Variants in PLAGL1 observed in about 807,000 individuals in gnomAD.
The protein encoded by PLAGL1 is PLAG1 like zinc finger 1, also known as zinc finger protein PLAGL1.
In PLAGL1, 1 loss-of-function variant was observed where a neutral mutation model predicts 4.6. That is an observed-to-expected ratio of 0.22 (90% CI 0.08 to 1.03). The LOEUF (loss-of-function observed/expected upper bound fraction) is 1.03, where lower values mean the gene tolerates loss of function less well. Among genes scored for constraint, PLAGL1 ranks in the 50% least tolerant of loss-of-function variants. The pLI is 0.58. For missense variants in PLAGL1, 464 were observed against 570.4 expected (o/e 0.81, Z 1.90); for synonymous variants, 240 against 237.8 (o/e 1.01, Z -0.08).
At chr6:144,010,757 A>G (rs1795117960), upstream of PLAGL1, among the ~76,000 whole-genome samples, 1 of 152,226 alleles carries the variant, frequency 6.6e-6, no homozygotes, top group South Asian at 2.1e-4. This position sits in a 1 kb window ranked among gnomAD's most constrained non-coding sequence, Gnocchi z 4.1. Context: ...CAAAACAGAT[A>G]TATGGACCAA....
In PLAGL1 at chr6:143,941,149, T is replaced by C. The variant is rs1455272969; in HGVS notation, c.*275A>G. The C allele has an allele frequency of 3.5e-6, 1 of 283,446 alleles. No homozygotes were observed. The allele number at this position is 283,446 out of a possible 1,614,324, so 17.6% of individuals were successfully genotyped here. A position where few individuals can be genotyped will look rare whatever the true frequency, so the allele number is the denominator to read the frequency against. On this transcript the variant is annotated 3_prime_UTR_variant, in exon 8 of 8. Transcript: ENST00000674357. The surrounding 1 kb of genome is among the most constrained non-coding windows in gnomAD (Gnocchi z 6.0). ...TTAAATTCCATATGACAAACACTTA[T>C]ATATAGCAGCCGTCATTTTGGATGT...
At position 144,061,396 on chromosome 6, in the gene PLAGL1, A is replaced by C. The variant is rs750754335; in HGVS notation, c.-151+3072T>G. On this transcript the variant is annotated intron_variant, in intron 1 of 3. Coordinates refer to the PLAGL1 transcript ENST00000437412. The surrounding 1 kb of genome is among the most constrained non-coding windows in gnomAD (Gnocchi z 4.4). ...CACCAGGATCAAACAAAGTGAGGTA[A>C]GAACAAGAGAGCAGCCACTCCTGAA... is the stretch of plus-strand genomic sequence containing the variant. Among the ~76,000 whole-genome samples, 69 of 152,338 alleles carry C rather than the reference A, an allele frequency of 4.5e-4. No homozygotes were observed. Among genetic ancestry groups the C allele is most frequent in the Admixed American group, 5.9e-4 (9 of 15,312 alleles).
At position 143,975,045 on chromosome 6, in the gene PLAGL1, A is replaced by G. The variant is rs975485228; in HGVS notation, c.-543-6067T>C. The stretch of plus-strand genomic sequence containing the variant: ...CTGAGAGAGATGGTTTTATTAATCT[A>G]TTTTTGAATGAGGAGATAATAGGCT... On this transcript the variant is annotated intron_variant, in intron 2 of 7. Coordinates refer to ENST00000674357, the MANE Select transcript of PLAGL1 (RefSeq NM_001317162.2). The surrounding 1 kb of genome is among the most constrained non-coding windows in gnomAD (Gnocchi z 5.8). Among the ~76,000 whole-genome samples the G allele has an allele frequency of 6.6e-6, 1 of 152,222 alleles. No homozygotes were observed. Among genetic ancestry groups the G allele is most frequent in the African/African-American group, 2.4e-5 (1 of 41,462 alleles).
rs1322148528 is a variant in PLAGL1 at position 143,984,575 on chromosome 6, A to G, written c.-544+560T>C. On this transcript the variant is annotated intron_variant, in intron 2 of 7. Transcript: ENST00000674357. The surrounding 1 kb of genome is among the most constrained non-coding windows in gnomAD (Gnocchi z 5.5). ...CAAAAGAGGTGAAACAGAACCTGCT[A>G]GAACAAGATTCAAGATACAGACTTA... 6.6e-6 allele frequency among the ~76,000 whole-genome samples: 1 copy of G among 152,130 alleles called. No individual in the cohort carries two copies. Among genetic ancestry groups the G allele is most frequent in the African/African-American group, 2.4e-5 (1 of 41,428 alleles).
At chr6:143,999,702 A>C (rs770672400) in intron 1 of PLAGL1, among the ~76,000 whole-genome samples, 11 of 152,254 alleles carry the variant, frequency 7.2e-5, no homozygotes, top group Non-Finnish European at 1.5e-4. Context: ...TGAATATTAC[A>C]TGAAAAAATT....
Position 143,966,353 on chromosome 6 carries a change from G to A in PLAGL1, c.-471-155C>T, listed in dbSNP as rs1025675724. On this transcript the variant is annotated intron_variant, in intron 3 of 7. Transcript: ENST00000674357. The surrounding 1 kb of genome is among the most constrained non-coding windows in gnomAD (Gnocchi z 6.0). ...TTATATACATTAAAATGGCCAAACA[G>A]TAATTCAAATAGCAAAACAAACAAA... The A allele has an allele frequency of 2.0e-5, 3 of 152,162 alleles. No individual in the cohort carries two copies. Among genetic ancestry groups the A allele is most frequent in the Non-Finnish European group, 4.4e-5 (3 of 68,036 alleles). The allele number at this position is 152,162 out of a possible 1,614,324, so 9.4% of individuals were successfully genotyped here. A position where few individuals can be genotyped will look rare whatever the true frequency, so the allele number is the denominator to read the frequency against.
chr6:144,043,856 C>T (rs1437405673), intron 1 of PLAGL1, among the ~76,000 whole-genome samples: 1 of 152,056 alleles, frequency 6.6e-6, no homozygotes, highest in Non-Finnish European at 1.5e-5. Flanking sequence ...AATTTCAGGG[C>T]CTGTTATTGG....
chr6:143,974,941 A>T (rs1344443659), intron 2 of PLAGL1, among the ~76,000 whole-genome samples: 1 of 152,250 alleles, frequency 6.6e-6, no homozygotes, highest in Non-Finnish European at 1.5e-5. Context: ...AAAAACACTT[A>T]TCAATCCATT....
In PLAGL1 at chr6:143,947,809, A is replaced by T. The variant is rs1780102676; in HGVS notation, c.152+176T>A. Among the ~76,000 whole-genome samples, 1 of 152,222 alleles carries T rather than the reference A, an allele frequency of 6.6e-6. No individual in the cohort carries two copies. The highest frequency in any genetic ancestry group is 2.4e-5 in the African/African-American group (1 of 41,446). On this transcript the variant is annotated intron_variant, in intron 7 of 7. Transcript: ENST00000674357. This position sits in a 1 kb window ranked among gnomAD's most constrained non-coding sequence, Gnocchi z 4.3. The stretch of plus-strand genomic sequence containing the variant: ...TTGAAAGAATGAACTGACACTGCAC[A>T]ACAAGACGGTCACATAAAACCACAG...
rs1011850202 is a variant in PLAGL1 at position 143,973,595 on chromosome 6, G to T, written c.-543-4617C>A. Reference sequence around the variant, plus strand: ...TCCTCCATCCTACAACCCTACAAGCGATAGTCTCACTGAACAATCTGCAAC... The same window carrying T: ...TCCTCCATCCTACAACCCTACAAGCTATAGTCTCACTGAACAATCTGCAAC... On this transcript the variant is annotated intron_variant, in intron 2 of 7. Coordinates refer to ENST00000674357, the MANE Select transcript of PLAGL1 (RefSeq NM_001317162.2). The surrounding 1 kb of genome is among the most constrained non-coding windows in gnomAD (Gnocchi z 6.2). 6.6e-6 allele frequency among the ~76,000 whole-genome samples: 1 copy of T among 152,088 alleles called. No individual in the cohort carries two copies. The highest frequency in any genetic ancestry group is 1.9e-4 in the East Asian group (1 of 5,202).
At position 143,995,297 on chromosome 6, in the gene PLAGL1, T is replaced by G. The variant is rs764870338; in HGVS notation, c.-583-10123A>C. ...TTCAGTATTATGCAGATTATTTGTA[T>G]GCACGTATCAAGCTACCCTTTTCAT... is the stretch of plus-strand genomic sequence containing the variant. On this transcript the variant is annotated intron_variant, in intron 1 of 7. Transcript: ENST00000674357. This position sits in a 1 kb window ranked among gnomAD's most constrained non-coding sequence, Gnocchi z 4.4. Among the ~76,000 whole-genome samples, 4 of 152,224 alleles carry G rather than the reference T, an allele frequency of 2.6e-5. No homozygotes were observed. The highest frequency in any genetic ancestry group is 6.5e-5 in the Admixed American group (1 of 15,280).
rs182720758 is a variant in PLAGL1 at position 143,957,214 on chromosome 6, T to A, written c.-325+3255A>T. ...TGTGTGCATTGAGAAAGGCAAGGGTTAAGTCCAGGCCTGGTTCTCAAGCTG... is the reference window on the plus strand; with the variant it reads ...TGTGTGCATTGAGAAAGGCAAGGGTAAAGTCCAGGCCTGGTTCTCAAGCTG... On this transcript the variant is annotated intron_variant, in intron 6 of 7. Transcript: ENST00000674357. This position sits in a 1 kb window ranked among gnomAD's most constrained non-coding sequence, Gnocchi z 4.2. Among the ~76,000 whole-genome samples, 19 of 152,234 alleles carry A rather than the reference T, an allele frequency of 1.2e-4. No individual in the cohort carries two copies. Among genetic ancestry groups the A allele is most frequent in the Non-Finnish European group, 2.5e-4 (17 of 68,028 alleles).
chr6:144,010,233 T>C (rs922093481), upstream of PLAGL1, among the ~76,000 whole-genome samples: 1 of 152,320 alleles, frequency 6.6e-6, no homozygotes, highest in South Asian at 2.1e-4. This position sits in a 1 kb window ranked among gnomAD's most constrained non-coding sequence, Gnocchi z 4.1. Context: ...AGATGTTACC[T>C]GATAAGCAAC....
chr6:143,950,748 G>C lies in PLAGL1; in HGVS notation c.-324-2288C>G, dbSNP rs1423449807. Among the ~76,000 whole-genome samples the C allele has an allele frequency of 6.6e-6, 1 of 152,114 alleles. No homozygotes were observed. The highest frequency in any genetic ancestry group is 1.5e-5 in the Non-Finnish European group (1 of 68,020). On this transcript the variant is annotated intron_variant, in intron 6 of 7. Transcript: ENST00000674357. This position sits in a 1 kb window ranked among gnomAD's most constrained non-coding sequence, Gnocchi z 6.3. ...CACTTTTCTCAACTTATCTCAGTAA[G>C]TTGATTCTCCCCAATTCTTGCTTTA...
chr6:143,941,946 G>T lies in PLAGL1; in HGVS notation c.870C>A (p.Ser290=), dbSNP rs757889837. The T allele has an allele frequency of 1.2e-6, 2 of 1,605,068 alleles. No homozygotes were observed. The highest frequency in any genetic ancestry group is 2.2e-5 in the East Asian group (1 of 44,778). Residue 290 remains serine, a synonymous_variant, in exon 8 of 8, where the codon TCC becomes TCA. Coordinates refer to ENST00000674357, the MANE Select transcript of PLAGL1 (RefSeq NM_001317162.2). The surrounding 1 kb of genome is among the most constrained non-coding windows in gnomAD (Gnocchi z 6.0). Reference sequence around the variant, plus strand: ...GAAGGGGTGGCGGAGGAGAGCCAGGGGATACCGAGGGGTGGAGGGAGGCCA... The same window carrying T: ...GAAGGGGTGGCGGAGGAGAGCCAGGTGATACCGAGGGGTGGAGGGAGGCCA... ...ESLASLHPSV[S]PGSPPPPLPN...
rs1779588442 is a variant in PLAGL1 at position 143,945,611 on chromosome 6, G to C, written c.152+2374C>G. On this transcript the variant is annotated intron_variant, in intron 7 of 7. Transcript: ENST00000674357. This position sits in a 1 kb window ranked among gnomAD's most constrained non-coding sequence, Gnocchi z 4.2. ...CTACCTCAGCCTCCCGAGTAGCTGG[G>C]ATTACAGGCGTGTACCACCACGCCC... Among the ~76,000 whole-genome samples, 1 of 152,132 alleles carries C rather than the reference G, an allele frequency of 6.6e-6. No individual in the cohort carries two copies. The highest frequency in any genetic ancestry group is 6.6e-5 in the Admixed American group (1 of 15,264).
At position 144,023,214 on chromosome 6, in the gene PLAGL1, C is replaced by T. The variant is rs540444548; in HGVS notation, c.-151+41254G>A. On this transcript the variant is annotated intron_variant, in intron 1 of 3. Coordinates refer to the PLAGL1 transcript ENST00000437412. Reference sequence around the variant, plus strand: ...ATAAACATGAAAAACAAATCAAACTCACCAGGAGTTTGTGGAAGGAAGTAG... The same window carrying T: ...ATAAACATGAAAAACAAATCAAACTTACCAGGAGTTTGTGGAAGGAAGTAG... Among the ~76,000 whole-genome samples, 6 of 152,240 alleles carry T rather than the reference C, an allele frequency of 3.9e-5. No individual in the cohort carries two copies. In the South Asian group the frequency reaches 1.2e-3, roughly 32 times the overall value.
In PLAGL1 at chr6:143,990,155, T is replaced by C. The variant is rs1790131970; in HGVS notation, c.-583-4981A>G. ...TTTCTTTTTTGAGATGGAGTCTCGC[T>C]CTGTTGCCAGACTGGAGTGCAGTGG... is the stretch of plus-strand genomic sequence containing the variant. On this transcript the variant is annotated intron_variant, in intron 1 of 7. Transcript: ENST00000674357. This position sits in a 1 kb window ranked among gnomAD's most constrained non-coding sequence, Gnocchi z 5.4. 6.6e-6 allele frequency among the ~76,000 whole-genome samples: 1 copy of C among 151,978 alleles called. No homozygotes were observed. The highest frequency in any genetic ancestry group is 1.5e-5 in the Non-Finnish European group (1 of 67,992).
At chr6:144,049,700 A>T (rs1798441123) in intron 1 of PLAGL1, among the ~76,000 whole-genome samples, 1 of 152,326 alleles carries the variant, frequency 6.6e-6, no homozygotes, top group Admixed American at 6.5e-5. Flanking sequence ...CTCCCTAGAC[A>T]TGTAGGGATT....
Sources: allele counts gnomAD v4.1 joint callset (sites outside exome capture counted in the v4.1 genomes callset), GRCh38; gene constraint gnomAD v4.1.1; non-coding constraint Gnocchi (gnomAD v3.1); transcripts MANE v1.5; gene names NCBI Gene and HGNC (gene_info 2026-07-23, HGNC 2026-07-21).